LURAP1L: variants seen among roughly 807,000 people sequenced by gnomAD.
The protein encoded by LURAP1L is leucine rich adaptor protein 1 like.
LURAP1L carries 12 observed loss-of-function variants against 13.8 expected under a neutral mutation model. The ratio of observed to expected loss-of-function variants is 0.87; its 90% CI spans 0.56 to 1.41. The LOEUF (loss-of-function observed/expected upper bound fraction) is 1.41, where lower values mean the gene tolerates loss of function less well. LURAP1L is among the 40% of genes most tolerant of loss of function. LURAP1L has a pLI of 0.00. For synonymous variants in LURAP1L, 139 were observed against 119.2 expected (o/e 1.17, Z -1.08); for missense variants, 375 against 292.9 (o/e 1.28, Z -2.04).
chr9:12,814,085 A>ATATG (rs1451899420), intron 1 of LURAP1L, among the ~76,000 whole-genome samples: 1 of 152,164 alleles, frequency 6.6e-6, no homozygotes, highest in African/African-American at 2.4e-5. Flanking sequence ...TTTGTAGTAT[A>ATATG]TATGCATGCA....
intron 1 of LURAP1L, among the ~76,000 whole-genome samples, chr9:12,786,581 T>TATATATATATATATATATATATATAAC (rs61134838): frequency 1.6e-5 from 2 of 121,436 alleles, no homozygotes; most frequent in Non-Finnish European, 3.6e-5. Context: ...TATATATATA[T>TATATATATATATATATATATATATAAC]AAACCCTTGT....
rs140495784 is a variant in LURAP1L at position 12,822,646 on chromosome 9, T to G, written c.*886T>G. 0.023 allele frequency among the ~76,000 whole-genome samples: 3,436 copies of G among 152,306 alleles called. 64 individuals are homozygous for G. The highest frequency in any genetic ancestry group is 0.037 in the Middle Eastern group (11 of 294). ...ATATCCCGATAGCCTACTATCAGCA[T>G]CCTACTACTGCTTCCCTAAAGCAGA... is the stretch of plus-strand genomic sequence containing the variant. On this transcript the variant is annotated 3_prime_UTR_variant, in exon 2 of 2. Coordinates refer to ENST00000319264, the MANE Select transcript of LURAP1L (RefSeq NM_203403.2).
At chr9:12,790,180 C>G (rs910024086) in intron 1 of LURAP1L, among the ~76,000 whole-genome samples, 1 of 152,120 alleles carries the variant, frequency 6.6e-6, no homozygotes, top group African/African-American at 2.4e-5. Context: ...ACAAAATTCT[C>G]TATACATGAC....
At chr9:12,818,655 C>G (rs934158941) in intron 1 of LURAP1L, among the ~76,000 whole-genome samples, 2 of 151,982 alleles carry the variant, frequency 1.3e-5, no homozygotes, top group South Asian at 2.1e-4. Flanking sequence ...TAGTGCTTGA[C>G]GAGAGAAGTA....
At chr9:12,784,285 T>C (rs752873432) in intron 1 of LURAP1L, among the ~76,000 whole-genome samples, 1 of 152,140 alleles carries the variant, frequency 6.6e-6, no homozygotes, top group Non-Finnish European at 1.5e-5. Flanking sequence ...TGTTGACAAG[T>C]GAGGTATTTA....
chr9:12,805,183 T>G (rs1819640025), intron 1 of LURAP1L, among the ~76,000 whole-genome samples: 1 of 152,154 alleles, frequency 6.6e-6, no homozygotes, highest in Non-Finnish European at 1.5e-5. Context: ...ATCTGGAAAT[T>G]TATTTTTCCT....
intron 1 of LURAP1L, among the ~76,000 whole-genome samples, chr9:12,781,831 G>A (rs2147250): frequency 0.83 from 126,954 of 152,114 alleles, 53,471 homozygotes; most frequent in Non-Finnish European, 0.9. Flanking sequence ...AAGGAATCTC[G>A]AAACTGTTCT....
At chr9:12,787,929 T>A (rs1038387279) in intron 1 of LURAP1L, among the ~76,000 whole-genome samples, 3 of 151,828 alleles carry the variant, frequency 2.0e-5, no homozygotes. Flanking sequence ...CTGGCCAACA[T>A]GGTGAAACCC....
chr9:12,779,359 C>T (rs961293265), intron 1 of LURAP1L, among the ~76,000 whole-genome samples: 13 of 146,852 alleles, frequency 8.9e-5, no homozygotes, highest in African/African-American at 3.3e-4. Context: ...ACTGCAAGCT[C>T]CGCCTCCCAG....
intron 1 of LURAP1L, among the ~76,000 whole-genome samples, chr9:12,808,684 G>A (rs1362274997): frequency 6.6e-6 from 1 of 152,098 alleles, no homozygotes; most frequent in East Asian, 1.9e-4. Flanking sequence ...AATATAATAT[G>A]CCTAGATATA....
At chr9:12,808,546 A>G (rs1819692478) in intron 1 of LURAP1L, among the ~76,000 whole-genome samples, 1 of 151,994 alleles carries the variant, frequency 6.6e-6, no homozygotes, top group African/African-American at 2.4e-5. Flanking sequence ...CGGGATAAAT[A>G]TTTTACTCCA....
chr9:12,786,388 G>A (rs1188228507), intron 1 of LURAP1L, among the ~76,000 whole-genome samples: 3 of 151,042 alleles, frequency 2.0e-5, no homozygotes, highest in Non-Finnish European at 3.0e-5. Flanking sequence ...GACTTAATCA[G>A]AACATTGCAT....
chr9:12,817,083 A>G (rs578133567), intron 1 of LURAP1L, among the ~76,000 whole-genome samples: 2 of 152,294 alleles, frequency 1.3e-5, no homozygotes, highest in East Asian at 3.9e-4. Context: ...TTTTAGAGAT[A>G]CTATCTCATA....
At chr9:12,804,493 C>T (rs1321246251) in intron 1 of LURAP1L, among the ~76,000 whole-genome samples, 1 of 151,924 alleles carries the variant, frequency 6.6e-6, no homozygotes, top group Non-Finnish European at 1.5e-5. Context: ...CAGGTATGCA[C>T]CACCACTCCT....
intron 1 of LURAP1L, among the ~76,000 whole-genome samples, chr9:12,784,547 A>G (rs1403432411): frequency 1.3e-5 from 2 of 152,174 alleles, no homozygotes; most frequent in African/African-American, 4.8e-5. Flanking sequence ...CAAACAAACA[A>G]GTTTCTCTCT....
intron 1 of LURAP1L, among the ~76,000 whole-genome samples, chr9:12,819,861 G>A (rs1819849195): frequency 6.6e-6 from 1 of 152,120 alleles, no homozygotes; most frequent in Admixed American, 6.5e-5. Flanking sequence ...GGCTGAGGCA[G>A]GAGAATAATT....
intron 1 of LURAP1L, among the ~76,000 whole-genome samples, chr9:12,816,990 C>T (rs1819813200): frequency 6.6e-6 from 1 of 152,104 alleles, no homozygotes; most frequent in South Asian, 2.1e-4. Flanking sequence ...TACAGAACAC[C>T]CATGCTGTGC....
intron 1 of LURAP1L, among the ~76,000 whole-genome samples, chr9:12,786,538 T>C (rs1819353307): frequency 2.0e-5 from 1 of 49,124 alleles, no homozygotes; most frequent in Admixed American, 2.1e-4. Flanking sequence ...CTAACATGTA[T>C]ATATATGACA....
At chr9:12,784,740 G>A (rs551103927) in intron 1 of LURAP1L, among the ~76,000 whole-genome samples, 40 of 151,272 alleles carry the variant, frequency 2.6e-4, no homozygotes, top group African/African-American at 9.2e-4. Context: ...TAGTCAGCAG[G>A]TGGTGAATCA....
Sources: allele counts gnomAD v4.1 joint callset (sites outside exome capture counted in the v4.1 genomes callset), GRCh38; gene constraint gnomAD v4.1.1; transcripts MANE v1.5; gene names NCBI Gene and HGNC (gene_info 2026-07-23, HGNC 2026-07-21).